Variants in FLT1 observed in about 807,000 individuals in gnomAD.
FLT1 encodes the protein fms related receptor tyrosine kinase 1, also known as vascular endothelial growth factor receptor 1.
In FLT1, 49 loss-of-function variants were observed where a neutral mutation model predicts 156.3. That is an observed-to-expected ratio of 0.31 (90% CI 0.25 to 0.40). FLT1 has a LOEUF of 0.40. Ranked by LOEUF, FLT1 falls within the 10% of genes least tolerant of loss-of-function variation. FLT1 has a pLI of 1.00. For missense variants in FLT1, 1,322 were observed against 1,637.2 expected (o/e 0.81, Z 3.32); for synonymous variants, 594 against 583.8 (o/e 1.02, Z -0.25).
chr13:28,379,536 C>T (rs1000808551), intron 14 of FLT1, among the ~76,000 whole-genome samples: 7 of 152,106 alleles, frequency 4.6e-5, no homozygotes, highest in Non-Finnish European at 4.4e-5. Context: ...GCCAAGCAAT[C>T]GAAGCCCTGA....
intron 1 of FLT1, among the ~76,000 whole-genome samples, chr13:28,490,230 G>T (rs912232443): frequency 6.6e-6 from 1 of 152,176 alleles, no homozygotes; most frequent in African/African-American, 2.4e-5. Context: ...GTATCTGTGA[G>T]ACAAGATCAA....
chr13:28,418,230 C>A (rs1398034698), intron 10 of FLT1, among the ~76,000 whole-genome samples: 1 of 152,162 alleles, frequency 6.6e-6, no homozygotes, highest in African/African-American at 2.4e-5. Flanking sequence ...AGTTTATACT[C>A]CAGTTTCTAC....
At chr13:28,388,912 T>C (rs1171710137) in intron 13 of FLT1, 1 of 1,064,042 alleles carries the variant, frequency 9.4e-7, no homozygotes, top group Non-Finnish European at 1.1e-6. Flanking sequence ...CTGCCATCAA[T>C]AGCTGTGTGG....
chr13:28,313,551 G>C (rs1252893435), intron 25 of FLT1, among the ~76,000 whole-genome samples: 1 of 152,130 alleles, frequency 6.6e-6, no homozygotes, highest in Non-Finnish European at 1.5e-5. Flanking sequence ...GGTGGGAATT[G>C]GGCTGTAAGC....
intron 28 of FLT1, among the ~76,000 whole-genome samples, chr13:28,307,303 A>G (rs1358683807): frequency 6.6e-6 from 1 of 152,122 alleles, no homozygotes; most frequent in Non-Finnish European, 1.5e-5. Flanking sequence ...ACTCTTCACT[A>G]CTTTGTTAAT....
In FLT1 at chr13:28,494,795, A is replaced by T; in HGVS notation, c.49T>A (p.Cys17Ser). The change falls in exon 1 of 30, where the codon TGT becomes AGT. Residue 17 changes from cysteine (C) to serine (S), a missense_variant. Coordinates refer to ENST00000282397, the MANE Select transcript of FLT1 (RefSeq NM_002019.4). The part of the protein sequence containing the change: ...TGVLLCALLS[C>S]LLLTGSSSGS... Reference sequence around the variant, plus strand: ...CGCGCCTCACCTGTGAGAAGCAGACAGCTGAGCAGCGCGCACAGCAGGACC... The same window carrying T: ...CGCGCCTCACCTGTGAGAAGCAGACTGCTGAGCAGCGCGCACAGCAGGACC... 1 of 1,574,126 alleles carries T rather than the reference A, an allele frequency of 6.4e-7. No homozygotes were observed.
At chr13:28,490,926 A>G (rs935968805) in intron 1 of FLT1, among the ~76,000 whole-genome samples, 1 of 152,226 alleles carries the variant, frequency 6.6e-6, no homozygotes, top group African/African-American at 2.4e-5. Flanking sequence ...CAGGCTTCGC[A>G]TTTAACATTC....
rs1460831807 is a variant in FLT1, at chr13:28,317,686, C to T, written c.3287-89G>A. 8.5e-6 allele frequency: 7 copies of T among 819,298 alleles called. No homozygotes were observed. In the African/African-American group the frequency reaches 1.0e-4, roughly 12 times the overall value. 50.8% of individuals were successfully genotyped at this position (819,298 alleles called of 1,614,324 possible). ...GGGACAATTCAGTGTTTCTTTCCTC[C>T]CTTTAAAGCTACGTTTTAGTAATAA... On this transcript the variant is annotated intron_variant, in intron 24 of 29. Coordinates refer to ENST00000282397, the MANE Select transcript of FLT1 (RefSeq NM_002019.4).
chr13:28,336,118 A>G (rs1353840803), intron 17 of FLT1, among the ~76,000 whole-genome samples: 1 of 152,172 alleles, frequency 6.6e-6, no homozygotes, highest in Non-Finnish European at 1.5e-5. Context: ...GGCAGGTGGC[A>G]TCCTTTGCAC....
At chr13:28,400,550 GC>G (rs1337842616) in intron 11 of FLT1, among the ~76,000 whole-genome samples, 1 of 152,164 alleles carries the variant, frequency 6.6e-6, no homozygotes, top group Non-Finnish European at 1.5e-5. Flanking sequence ...GAGCTCAGGT[GC>G]AAATTGTAGA....
At chr13:28,423,938 TTTTCTTTTC>T (rs1566019603) in intron 10 of FLT1, among the ~76,000 whole-genome samples, 1 of 152,194 alleles carries the variant, frequency 6.6e-6, no homozygotes, top group African/African-American at 2.4e-5. Context: ...TTATTATCAC[TTTTCTTTTC>T]TTTCTTTTTC....
At chr13:28,304,957 A>T (rs559442841) in intron 29 of FLT1, among the ~76,000 whole-genome samples, 12 of 152,166 alleles carry the variant, frequency 7.9e-5, no homozygotes, top group Non-Finnish European at 1.5e-4. Context: ...GGTTGTTTCT[A>T]CTTTTGGCTA....
chr13:28,348,366 C>A (rs1872632157), intron 15 of FLT1, among the ~76,000 whole-genome samples: 1 of 152,286 alleles, frequency 6.6e-6, no homozygotes, highest in East Asian at 1.9e-4. Flanking sequence ...TATGCCCAAC[C>A]TTGCCTCTCT....
rs746189800 is a variant in FLT1, at chr13:28,431,152, G to C, written c.972C>G (p.Thr324=). The part of the protein sequence containing the change: ...RSGPSFKSVN[T]SVHIYDKAFI... ...TATGCTTACCATATATATGCACTGA[G>C]GTGTTAACAGATTTGAATGATGGTC... is the stretch of plus-strand genomic sequence containing the variant. The change falls in exon 7 of 30, where the codon ACC becomes ACG. Residue 324 remains threonine (T), a synonymous_variant. Coordinates refer to ENST00000282397, the MANE Select transcript of FLT1 (RefSeq NM_002019.4). 8 of 1,613,202 alleles carry C rather than the reference G, an allele frequency of 5.0e-6. No homozygotes were observed. The South Asian group carries it at 8.8e-5, about 18-fold the overall frequency.
intron 12 of FLT1, among the ~76,000 whole-genome samples, chr13:28,390,731 C>A (rs1874662728): frequency 6.6e-6 from 1 of 152,134 alleles, no homozygotes; most frequent in Non-Finnish European, 1.5e-5. Flanking sequence ...TACAGTATTC[C>A]TACTGGCAAG....
chr13:28,343,841 A>C (rs564163882), intron 16 of FLT1, among the ~76,000 whole-genome samples: 1 of 151,290 alleles, frequency 6.6e-6, no homozygotes, highest in Non-Finnish European at 1.5e-5. Flanking sequence ...ACGGGGTTTC[A>C]TCCTGTTAGC....
intron 10 of FLT1, among the ~76,000 whole-genome samples, chr13:28,425,248 G>A (rs1439976236): frequency 6.6e-6 from 1 of 152,134 alleles, no homozygotes; most frequent in East Asian, 1.9e-4. Context: ...TAAAGCATAT[G>A]CAACCTTAAA....
At chr13:28,316,949 A>G (rs1474136629) in intron 25 of FLT1, among the ~76,000 whole-genome samples, 2 of 152,100 alleles carry the variant, frequency 1.3e-5, no homozygotes, top group Admixed American at 6.5e-5. Context: ...GATTCTAAAG[A>G]AGTTGTATTG....
rs1000832120 is a variant in FLT1, at chr13:28,311,930, C to A, written c.3492+63G>T. On this transcript the variant is annotated intron_variant, in intron 26 of 29. Transcript: ENST00000282397. The stretch of plus-strand genomic sequence containing the variant: ...ATATTAATAGCTCTTAAAAAAAAAA[C>A]AAATAAAATGCCCCCCTGACGTACA... 5.3e-5 allele frequency: 63 copies of A among 1,194,266 alleles called. No homozygotes were observed. The Middle Eastern group carries it at 7.6e-4, about 14-fold the overall frequency. 74.0% of individuals were successfully genotyped at this position (1,194,266 alleles called of 1,614,324 possible).
Sources: allele counts gnomAD v4.1 joint callset (sites outside exome capture counted in the v4.1 genomes callset), GRCh38; gene constraint gnomAD v4.1.1; transcripts MANE v1.5; gene names NCBI Gene and HGNC (gene_info 2026-07-23, HGNC 2026-07-21).